Variants in PCSK6 observed in about 807,000 individuals in gnomAD.
The protein encoded by PCSK6 is paired basic amino acid cleaving enzyme 4.
In PCSK6, 85 loss-of-function variants were observed where a neutral mutation model predicts 123.3. That is an observed-to-expected ratio of 0.69 (90% CI 0.58 to 0.83). PCSK6 has a LOEUF of 0.83. PCSK6 is among the 40% of genes least tolerant of loss of function. The pLI is 0.00. For synonymous variants in PCSK6, 508 were observed against 516.0 expected (o/e 0.98, Z 0.21); for missense variants, 1,191 against 1,282.3 (o/e 0.93, Z 1.09).
At chr15:101,428,880 C>T (rs2056349791) in intron 5 of PCSK6, among the ~76,000 whole-genome samples, 1 of 152,188 alleles carries the variant, frequency 6.6e-6, no homozygotes, top group Non-Finnish European at 1.5e-5. Context: ...GAATCCTGCC[C>T]TTCAAGGGTC....
At chr15:101,364,839 A>T in intron 13 of PCSK6, 3 of 558,426 alleles carry the variant, frequency 5.4e-6, no homozygotes, top group Non-Finnish European at 1.0e-5. Context: ...CGGGACCCAA[A>T]ATAGCCAAAA....
At position 101,430,162 on chromosome 15, in the gene PCSK6, G is replaced by C. The variant is rs562673522; in HGVS notation, c.658-99C>G. 3.5e-6 allele frequency: 3 copies of C among 848,236 alleles called. No homozygotes were observed. The East Asian group carries it at 7.7e-5, about 22-fold the overall frequency. 52.5% of individuals were successfully genotyped at this position (848,236 alleles called of 1,614,324 possible). A position where few individuals can be genotyped will look rare whatever the true frequency, so the allele number is the denominator to read the frequency against. On this transcript the variant is annotated intron_variant, in intron 4 of 21. Transcript: ENST00000611716. ...GTTGGCAAATAGAGAAACCACACGCGGGGCTCCTCTCTTACTATAGCTATA... is the reference window on the plus strand; with the variant it reads ...GTTGGCAAATAGAGAAACCACACGCCGGGCTCCTCTCTTACTATAGCTATA...
At chr15:101,331,800 A>T in intron 14 of PCSK6, 52 bp downstream of exon 14, 1 of 1,606,994 alleles carries the variant, frequency 6.2e-7, no homozygotes, top group Non-Finnish European at 8.5e-7. Flanking sequence ...GCTACTCTGG[A>T]CAATCAAAGC....
At chr15:101,486,460 C>T (rs1420025251) in intron 1 of PCSK6, among the ~76,000 whole-genome samples, 9 of 152,208 alleles carry the variant, frequency 5.9e-5, no homozygotes, top group African/African-American at 9.7e-5. Context: ...TCTCCAGGCT[C>T]TTTTGGATTA....
At chr15:101,401,706 G>A (rs373386514) in intron 6 of PCSK6, among the ~76,000 whole-genome samples, 6 of 152,286 alleles carry the variant, frequency 3.9e-5, no homozygotes, top group East Asian at 3.9e-4. Context: ...AAATGAAATC[G>A]GATGATCCGT....
intron 11 of PCSK6, among the ~76,000 whole-genome samples, chr15:101,381,235 G>A (rs1292548360): frequency 6.6e-6 from 1 of 152,016 alleles, no homozygotes; most frequent in East Asian, 1.9e-4. Context: ...ATGGTGGTGG[G>A]TGCCTATAAT....
Position 101,454,459 on chromosome 15 carries a change from T to C in PCSK6, c.298-10799A>G, listed in dbSNP as rs2057121121. Among the ~76,000 whole-genome samples the C allele has an allele frequency of 2.0e-5, 3 of 152,050 alleles. No individual in the cohort carries two copies. In the South Asian group the frequency reaches 6.2e-4, roughly 32 times the overall value. On this transcript the variant is annotated intron_variant, in intron 1 of 21. Coordinates refer to ENST00000611716, the MANE Select transcript of PCSK6 (RefSeq NM_002570.5). ...GCTCAGCCTGAAAAAGGGAGGAAAC[T>C]CTGATGCATGCTACAACACAGATGA...
chr15:101,328,611 C>A (rs573863348), intron 15 of PCSK6, among the ~76,000 whole-genome samples: 2 of 152,178 alleles, frequency 1.3e-5, no homozygotes, highest in South Asian at 2.1e-4. Flanking sequence ...GGACTTCACA[C>A]CCCCCACCCC....
chr15:101,488,984 C>T (rs2058089223), intron 1 of PCSK6, among the ~76,000 whole-genome samples: 1 of 150,344 alleles, frequency 6.7e-6, no homozygotes, highest in South Asian at 2.1e-4. Context: ...CGCCCAGGAC[C>T]CAGCGGCGGA....
intron 15 of PCSK6, among the ~76,000 whole-genome samples, chr15:101,329,403 C>T (rs1195746970): frequency 6.6e-6 from 1 of 152,210 alleles, no homozygotes; most frequent in African/African-American, 2.4e-5. Flanking sequence ...AGTATCGGAC[C>T]CGAGAGGCAT....
intron 13 of PCSK6, chr15:101,347,876 C>T (rs875293): frequency 0.5 from 437,439 of 870,082 alleles, 113,124 homozygotes; most frequent in East Asian, 0.64. Flanking sequence ...GAGGAAGCGC[C>T]CGGGGTTGAC....
At chr15:101,436,627 C>T (rs1009985745) in intron 2 of PCSK6, among the ~76,000 whole-genome samples, 18 of 152,164 alleles carry the variant, frequency 1.2e-4, no homozygotes, top group Admixed American at 8.5e-4. Flanking sequence ...ATCAGGGCAC[C>T]GTAGAAAATA....
Position 101,331,953 on chromosome 15 carries a change from C to A in PCSK6, c.1937G>T (p.Arg646Leu), listed in dbSNP as rs766469441. 6.2e-7 allele frequency: 1 copy of A among 1,613,800 alleles called. No homozygotes were observed. Among genetic ancestry groups the A allele is most frequent in the Non-Finnish European group, 8.5e-7 (1 of 1,179,816 alleles). The change falls in exon 14 of 22, where the codon CGC becomes CTC. Residue 646 changes from arginine to leucine, a missense_variant. This residue lies in a region of PCSK6 where 630 missense variants were observed against 631.4 expected (regional missense o/e 1.00). Coordinates refer to ENST00000611716, the MANE Select transcript of PCSK6 (RefSeq NM_002570.5). ...PYHTFSAHQS[R>L]SRMLELSAPE... is the part of the protein sequence containing the mutation. Reference sequence around the variant, plus strand: ...GGCTGAGAGCTCCAGCATCCGCGAGCGGGACTGATGGGCACTGAAGGTGTG... The same window carrying A: ...GGCTGAGAGCTCCAGCATCCGCGAGAGGGACTGATGGGCACTGAAGGTGTG...
intron 13 of PCSK6, among the ~76,000 whole-genome samples, chr15:101,360,124 G>A (rs1002378883): frequency 2.0e-5 from 3 of 152,102 alleles, no homozygotes; most frequent in East Asian, 1.9e-4. Context: ...CACATCTCTC[G>A]ACCCTGCTTT....
intron 6 of PCSK6, among the ~76,000 whole-genome samples, chr15:101,412,170 C>T (rs1451955860): frequency 1.3e-5 from 2 of 152,198 alleles, no homozygotes; most frequent in Non-Finnish European, 2.9e-5. Context: ...ACCCCTTGTC[C>T]TCTGCAGCAA....
chr15:101,406,752 T>C (rs3784462), intron 6 of PCSK6, among the ~76,000 whole-genome samples: 74,338 of 151,864 alleles, frequency 0.49, 18,410 homozygotes, highest in Non-Finnish European at 0.52. Context: ...ACGTTCGCCA[T>C]CGTGACATGA....
chr15:101,397,458 G>T (rs539252943), intron 7 of PCSK6, among the ~76,000 whole-genome samples: 1 of 152,076 alleles, frequency 6.6e-6, no homozygotes, highest in Non-Finnish European at 1.5e-5. Flanking sequence ...TATTTTAAAC[G>T]ATATAAATTT....
In PCSK6 at chr15:101,431,399, C is replaced by T. The variant is rs749450930; in HGVS notation, c.578G>A (p.Gly193Asp). 1 of 1,613,964 alleles carries T rather than the reference C, an allele frequency of 6.2e-7. No individual in the cohort carries two copies. The highest frequency in any genetic ancestry group is 8.5e-7 in the Non-Finnish European group (1 of 1,179,872). Residue 193 changes from glycine to aspartate, a missense_variant, in exon 4 of 22, where the codon GGC becomes GAC. Physicochemically the swap from Gly to Asp is moderately conservative, Grantham distance 94. Coordinates refer to ENST00000611716, the MANE Select transcript of PCSK6 (RefSeq NM_002570.5). ...GACCACCACGTTTTTTCCTGTGTAG[C>T]CCCTCTTCCACGCTGCCTGGACATT... Reference protein sequence around the residue: ...EMNVQAAWKRGYTGKNVVVTI... With the variant: ...EMNVQAAWKRDYTGKNVVVTI...
intron 2 of PCSK6, among the ~76,000 whole-genome samples, chr15:101,442,299 G>A (rs777189693): frequency 8.5e-5 from 13 of 152,048 alleles, no homozygotes; most frequent in Non-Finnish European, 1.6e-4. Flanking sequence ...TATCTCGTTC[G>A]ACTTATCCGT....
Sources: gnomAD v4.1 joint callset for allele counts (sites outside exome capture counted in the v4.1 genomes callset) on GRCh38, gnomAD v4.1.1 for gene constraint, gnomAD v4.1.1 regional missense constraint, MANE v1.5 for transcripts, NCBI Gene and HGNC (gene_info 2026-07-23, HGNC 2026-07-21) for gene names.